MED20: variants seen among roughly 807,000 people sequenced by gnomAD.
The protein encoded by MED20 is mediator of RNA polymerase II transcription subunit 20.
Under a neutral mutation model 19.7 loss-of-function variants are expected in MED20, and 19 were observed. The ratio of observed to expected loss-of-function variants is 0.96; its 90% confidence interval spans 0.67 to 1.42. The LOEUF (loss-of-function observed/expected upper bound fraction) is 1.42. Ranked by LOEUF, MED20 falls within the 40% of genes most tolerant of loss-of-function variation. The probability of loss-of-function intolerance (pLI) is 0.00; values close to 1 mark genes in which losing one functional copy is unlikely to be tolerated. For synonymous variants in MED20, 105 were observed against 104.8 expected (o/e 1.00, Z -0.01); for missense variants, 225 against 273.0 (o/e 0.82, Z 1.24).
At position 41,921,025 on chromosome 6, in the gene MED20, G is replaced by A. The variant is rs780674729; in HGVS notation, c.-7C>T. The A allele has an allele frequency of 1.5e-5, 24 of 1,612,298 alleles. No individual in the cohort carries two copies. In the African/African-American group the frequency reaches 3.2e-4, roughly 22 times the overall value. On this transcript the variant is annotated 5_prime_UTR_variant, in exon 1 of 4. Coordinates refer to ENST00000265350, the MANE Select transcript of MED20 (RefSeq NM_004275.5). ...CCTACCAAGTCACTCCCATGGCGTC[G>A]GGCCAGGAAGGTGGCAGAATCACAC...
Position 41,916,766 on chromosome 6 carries a change from A to G in MED20, c.169+19T>C, listed in dbSNP as rs201541518. Reference sequence around the variant, plus strand: ...CTCCAAGCCTGGTTCCAGCCATCCTACAGACCCATCTCACTGACCTTGGCT... The same window carrying G: ...CTCCAAGCCTGGTTCCAGCCATCCTGCAGACCCATCTCACTGACCTTGGCT... On this transcript the variant is annotated intron_variant, in intron 2 of 3. Coordinates refer to ENST00000265350, the MANE Select transcript of MED20 (RefSeq NM_004275.5). 1 of 1,613,808 alleles carries G rather than the reference A, an allele frequency of 6.2e-7. No individual in the cohort carries two copies. The highest frequency in any genetic ancestry group is 8.5e-7 in the Non-Finnish European group (1 of 1,179,776).
At chr6:41,913,356 G>A (rs779902612) in intron 2 of MED20, among the ~76,000 whole-genome samples, 8 of 152,170 alleles carry the variant, frequency 5.3e-5, no homozygotes, top group South Asian at 2.1e-4. Flanking sequence ...CCATGAAGGC[G>A]TGCTGTCTCC....
intron 3 of MED20, among the ~76,000 whole-genome samples, chr6:41,908,248 C>T (rs2127374073): frequency 6.6e-6 from 1 of 152,276 alleles, no homozygotes; most frequent in South Asian, 2.1e-4. Context: ...TGTGTTTCAG[C>T]CTCACTCTTA....
chr6:41,915,476 G>C (rs532599800), intron 2 of MED20, among the ~76,000 whole-genome samples: 1 of 150,756 alleles, frequency 6.6e-6, no homozygotes, highest in South Asian at 2.1e-4. Context: ...CTGGTCAACA[G>C]AGCAAGACTC....
At chr6:41,908,233 G>A (rs376990666) in intron 3 of MED20, among the ~76,000 whole-genome samples, 3 of 152,192 alleles carry the variant, frequency 2.0e-5, no homozygotes, top group African/African-American at 4.8e-5. Flanking sequence ...TTCAAAAAGA[G>A]TTTGTGTGTT....
rs201016594 is a variant in MED20 at position 41,907,159 on chromosome 6, G to A, written c.552C>T (p.Tyr184=). ...ACTGGACCATGGTATCTGCTGGGCC[G>A]TAGACCGCATCATGTCTGTTCCCAA... The part of the protein sequence containing the change: ...AVFGNRHDAV[Y]GPADTMVQYM... Residue 184 remains tyrosine, a synonymous_variant, in exon 4 of 4, where the codon TAC becomes TAT. Coordinates refer to ENST00000265350, the MANE Select transcript of MED20 (RefSeq NM_004275.5). The A allele has an allele frequency of 2.5e-5, 40 of 1,613,954 alleles. No homozygotes were observed. The highest frequency in any genetic ancestry group is 1.6e-4 in the Middle Eastern group (1 of 6,082).
chr6:41,907,775 C>A (rs1447273480), intron 3 of MED20, among the ~76,000 whole-genome samples: 1 of 151,888 alleles, frequency 6.6e-6, no homozygotes, highest in Non-Finnish European at 1.5e-5. Flanking sequence ...AAAGAATTTC[C>A]CAAATAGTGT....
intron 1 of MED20, among the ~76,000 whole-genome samples, chr6:41,919,342 TAAAC>T (rs1438673975): frequency 1.3e-5 from 2 of 152,038 alleles, no homozygotes; most frequent in African/African-American, 4.8e-5. Context: ...AAAAAATTAA[TAAAC>T]AATAGTACAA....
rs146788576 is a variant in MED20 at position 41,920,360 on chromosome 6, A to T, written c.14+645T>A. Among the ~76,000 whole-genome samples the T allele has an allele frequency of 2.5e-3, 376 of 152,296 alleles. 3 individuals are homozygous for T. The highest frequency in any genetic ancestry group is 8.6e-3 in the African/African-American group (356 of 41,564). ...TGTATTTGATGGCTGAGGGAAGAGC[A>T]GGCGAAAATCTTAAAAAATACTATC... On this transcript the variant is annotated intron_variant, in intron 1 of 3. Transcript: ENST00000265350.
At chr6:41,919,065 C>G (rs1192185045) in intron 1 of MED20, among the ~76,000 whole-genome samples, 6 of 141,074 alleles carry the variant, frequency 4.3e-5, no homozygotes, top group Admixed American at 7.7e-5. Context: ...GGAGGCGGAG[C>G]TTGCAGTGAG....
intron 3 of MED20, 33 bp downstream of exon 3, chr6:41,909,235 GA>G: frequency 6.3e-7 from 1 of 1,599,802 alleles, no homozygotes; most frequent in Non-Finnish European, 8.5e-7. Context: ...AGCCCCCTCA[GA>G]ACATCCTGCT....
Position 41,909,282 on chromosome 6 carries a change from C to A in MED20, c.410G>T (p.Gly137Val). 1.2e-6 allele frequency: 2 copies of A among 1,614,112 alleles called. No homozygotes were observed. The highest frequency in any genetic ancestry group is 1.7e-6 in the Non-Finnish European group (2 of 1,179,990). Reference protein sequence around the residue: ...GTVTMGPSARGISVEVEYGPC... With the variant: ...GTVTMGPSARVISVEVEYGPC... ...CCAAGGTCTTACCTCCACAGAGATG[C>A]CCCGGGCACTGGGCCCCATTGTGAC... Residue 137 changes from glycine to valine, a missense_variant, in exon 3 of 4, where the codon GGC becomes GTC. Gly to Val is a moderately radical substitution (Grantham distance 109). Transcript: ENST00000265350.
At chr6:41,907,395 G>A (rs1411267838) in intron 3 of MED20, 108 bp from the exon 4 acceptor site, 1 of 972,526 alleles carries the variant, frequency 1.0e-6, no homozygotes, top group Non-Finnish European at 1.5e-6. Flanking sequence ...CCGAGCTAAA[G>A]ACACACACCT....
intron 3 of MED20, among the ~76,000 whole-genome samples, 154 bp from the exon 4 acceptor site, chr6:41,907,441 C>A (rs765478577): frequency 9.9e-5 from 15 of 152,162 alleles, no homozygotes; most frequent in Non-Finnish European, 2.1e-4. Flanking sequence ...AACATTCAAC[C>A]TAAACACTGG....
chr6:41,916,886 A>T lies in MED20; in HGVS notation c.68T>A (p.Leu23His), dbSNP rs750378983. ...EGKSVQQTVE[L>H]LTRKLEMLGA... Reference sequence around the variant, plus strand: ...AAGCATCTCCAATTTCCGGGTAAGGAGCTCTACGGTTTGCTGAACACTCTT... The same window carrying T: ...AAGCATCTCCAATTTCCGGGTAAGGTGCTCTACGGTTTGCTGAACACTCTT... Residue 23 changes from leucine to histidine, a missense_variant, in exon 2 of 4, where the codon CTC becomes CAC. Leu to His is a moderately conservative substitution (Grantham distance 99). Coordinates refer to ENST00000265350, the MANE Select transcript of MED20 (RefSeq NM_004275.5). 6.2e-7 allele frequency: 1 copy of T among 1,614,020 alleles called. No homozygotes were observed. The highest frequency in any genetic ancestry group is 8.5e-7 in the Non-Finnish European group (1 of 1,179,982).
At chr6:41,913,072 T>C (rs1212453506) in intron 2 of MED20, 3 of 149,424 alleles carry the variant, frequency 2.0e-5, no homozygotes, top group Admixed American at 1.3e-4. Flanking sequence ...ATCATGCCAT[T>C]GCACTCCAGC....
chr6:41,916,175 G>C (rs1251170088), intron 2 of MED20, among the ~76,000 whole-genome samples: 1 of 151,576 alleles, frequency 6.6e-6, no homozygotes. Flanking sequence ...TTGAGCCCAA[G>C]GGTCGAGGCT....
In MED20 at chr6:41,906,765, T is replaced by C. The variant is rs1336303379; in HGVS notation, c.*307A>G. ...CCCCACCAGTACCAGGCAGGGACATTCCTGTCCTACCTTTCCCCTAAAGGA... is the reference window on the plus strand; with the variant it reads ...CCCCACCAGTACCAGGCAGGGACATCCCTGTCCTACCTTTCCCCTAAAGGA... On this transcript the variant is annotated 3_prime_UTR_variant, in exon 4 of 4. Transcript: ENST00000265350. 1.4e-5 allele frequency: 5 copies of C among 350,248 alleles called. No homozygotes were observed. The East Asian group carries it at 2.5e-4, about 17-fold the overall frequency. The allele number at this position is 350,248 out of a possible 1,614,324, so 21.7% of individuals were successfully genotyped here. A position where few individuals can be genotyped will look rare whatever the true frequency, so the allele number is the denominator to read the frequency against.
At chr6:41,917,537 A>G (rs1487294321) in intron 1 of MED20, 2 of 295,186 alleles carry the variant, frequency 6.8e-6, no homozygotes. Context: ...CCCCATTGTA[A>G]AGACAAGGAA....
Sources: allele counts gnomAD v4.1 joint callset (sites outside exome capture counted in the v4.1 genomes callset), GRCh38; gene constraint gnomAD v4.1.1; transcripts MANE v1.5; gene names NCBI Gene and HGNC (gene_info 2026-07-23, HGNC 2026-07-21).